PRTG: variants seen among roughly 807,000 people sequenced by gnomAD.
PRTG encodes the protein protogenin, also known as immunoglobulin superfamily, DCC subclass, member 5.
Under a neutral mutation model 122.5 loss-of-function variants are expected in PRTG, and 67 were observed. That is an observed-to-expected ratio of 0.55 (90% CI 0.45 to 0.67). The LOEUF is 0.67. Ranked by LOEUF, PRTG falls within the 30% of genes least tolerant of loss-of-function variation. The pLI is 0.00. For missense variants in PRTG, 1,435 were observed against 1,415.4 expected (o/e 1.01, Z -0.22); for synonymous variants, 554 against 501.1 (o/e 1.11, Z -1.41).
At chr15:55,729,007 G>T (rs1183834198) in intron 2 of PRTG, among the ~76,000 whole-genome samples, 1 of 152,140 alleles carries the variant, frequency 6.6e-6, no homozygotes. Context: ...GCATCTAAAA[G>T]AATAAGATGC....
intron 2 of PRTG, among the ~76,000 whole-genome samples, chr15:55,728,762 TA>T (rs869149272): frequency 1.5e-4 from 1 of 6,758 alleles, no homozygotes; most frequent in African/African-American, 1.6e-4. Context: ...GCAATTAGTC[TA>T]AAAAAAAAAA....
intron 11 of PRTG, among the ~76,000 whole-genome samples, chr15:55,641,580 C>T (rs988519758): frequency 5.3e-5 from 8 of 152,146 alleles, no homozygotes; most frequent in Non-Finnish European, 7.4e-5. Context: ...AGAAGTTTTT[C>T]GTTTAAGCAG....
chr15:55,612,697 A>AATATATATAT lies in PRTG; in HGVS notation c.*7305_*7314dup, dbSNP rs59773365. ...TTCTCTCTTTAACTCTTTAAAAGCC[A>AATATATATAT]ATATATATATATATATATATATATA... On this transcript the variant is annotated 3_prime_UTR_variant, in exon 20 of 20. Transcript: ENST00000389286. The AATATATATAT allele has an allele frequency of 2.3e-4, 28 of 120,748 alleles. No individual in the cohort carries two copies. Among genetic ancestry groups the AATATATATAT allele is most frequent in the African/African-American group, 5.6e-4 (12 of 21,392 alleles). 7.5% of individuals were successfully genotyped at this position (120,748 alleles called of 1,614,324 possible). A position where few individuals can be genotyped will look rare whatever the true frequency, so the allele number is the denominator to read the frequency against.
intron 2 of PRTG, among the ~76,000 whole-genome samples, chr15:55,688,559 G>A (rs887005902): frequency 3.3e-5 from 5 of 152,166 alleles, no homozygotes; most frequent in South Asian, 2.1e-4. Context: ...ACTCCAGGCC[G>A]CCGCAGTGGC....
chr15:55,731,436 T>C (rs1183766716), intron 2 of PRTG, among the ~76,000 whole-genome samples: 2 of 146,732 alleles, frequency 1.4e-5, no homozygotes, highest in Non-Finnish European at 3.0e-5. Flanking sequence ...AACGGCATGC[T>C]CTCGGCTCAC....
chr15:55,683,544 T>C (rs891473755), intron 3 of PRTG, among the ~76,000 whole-genome samples: 1 of 152,120 alleles, frequency 6.6e-6, no homozygotes, highest in South Asian at 2.1e-4. Context: ...TTAGAACAGA[T>C]GGTTGAGGAA....
chr15:55,700,297 T>C (rs1190782813), intron 2 of PRTG, among the ~76,000 whole-genome samples: 2 of 152,196 alleles, frequency 1.3e-5, no homozygotes, highest in Admixed American at 1.3e-4. Context: ...ACTTATACTT[T>C]ATACCTTACG....
chr15:55,620,732 AGGACC>A lies in PRTG; in HGVS notation c.3124_3128del (p.Gly1042TyrfsTer3). ...TTTTCTTAGAGTTGTTTTTAATTAT[AGGACC>A]ATAGCTATTAATTATCAGGTCAGTT... is the stretch of plus-strand genomic sequence containing the variant. On this transcript the variant is annotated frameshift_variant, in exon 19 of 20. Transcript: ENST00000389286. LOFTEE classifies it high-confidence loss of function. 3 of 1,601,420 alleles carry A rather than the reference AGGACC, an allele frequency of 1.9e-6. No homozygotes were observed. Among genetic ancestry groups the A allele is most frequent in the Non-Finnish European group, 2.5e-6 (3 of 1,177,144 alleles).
At chr15:55,699,317 C>T (rs535449956) in intron 2 of PRTG, among the ~76,000 whole-genome samples, 3 of 152,072 alleles carry the variant, frequency 2.0e-5, no homozygotes, top group Non-Finnish European at 4.4e-5. Flanking sequence ...TCTGGCACCC[C>T]TTCCAATGAA....
At chr15:55,729,248 A>G (rs2031147044) in intron 2 of PRTG, among the ~76,000 whole-genome samples, 1 of 152,212 alleles carries the variant, frequency 6.6e-6, no homozygotes, top group South Asian at 2.1e-4. Flanking sequence ...AAACATGCTA[A>G]GTGTAGGAAG....
At chr15:55,677,629 A>C (rs561074581) in intron 8 of PRTG, among the ~76,000 whole-genome samples, 168 bp downstream of exon 8, 1 of 152,362 alleles carries the variant, frequency 6.6e-6, no homozygotes, top group South Asian at 2.1e-4. Context: ...ACACAACATG[A>C]AATTTAGAAA....
intron 11 of PRTG, among the ~76,000 whole-genome samples, chr15:55,671,442 T>C (rs2141793159): frequency 6.6e-6 from 1 of 152,338 alleles, no homozygotes; most frequent in East Asian, 1.9e-4. Context: ...TAAGTGTACA[T>C]TTTATACCTT....
At chr15:55,731,259 G>A (rs1711925186) in intron 2 of PRTG, among the ~76,000 whole-genome samples, 1 of 151,990 alleles carries the variant, frequency 6.6e-6, no homozygotes, top group Non-Finnish European at 1.5e-5. Context: ...GTCCACTTTG[G>A]GGTCAATATT....
chr15:55,716,742 T>G (rs2030614368), intron 2 of PRTG, among the ~76,000 whole-genome samples: 1 of 152,206 alleles, frequency 6.6e-6, no homozygotes, highest in African/African-American at 2.4e-5. Context: ...TCAGCAGTTA[T>G]CTTAACACCA....
chr15:55,620,246 T>C lies in PRTG; in HGVS notation c.3219A>G (p.Pro1073=), dbSNP rs765209878. 18 of 1,613,950 alleles carry C rather than the reference T, an allele frequency of 1.1e-5. No individual in the cohort carries two copies. The South Asian group carries it at 1.6e-4, about 15-fold the overall frequency. ...TGCCTGGCTGGTAAAAGCAGACCGC[T>C]GGAGTAAATCTTCTTTGAGGCTAGG... ...QVEQPQRRFT[P]AVCFYQPGTT... is the part of the protein sequence containing the mutation. Residue 1073 remains proline, a synonymous_variant, in exon 20 of 20, where the codon CCA becomes CCG. Coordinates refer to ENST00000389286, the MANE Select transcript of PRTG (RefSeq NM_173814.6).
chr15:55,739,932 A>C (rs1019592578), intron 2 of PRTG, among the ~76,000 whole-genome samples: 4 of 152,230 alleles, frequency 2.6e-5, no homozygotes, highest in Non-Finnish European at 5.9e-5. Context: ...GGTGATCTAA[A>C]AGCAGTCAGA....
chr15:55,627,300 A>C (rs2059200293), intron 16 of PRTG, among the ~76,000 whole-genome samples, 172 bp from the exon 17 acceptor site: 1 of 151,712 alleles, frequency 6.6e-6, no homozygotes. Flanking sequence ...GTGATTTCAG[A>C]GACAGATTTC....
chr15:55,728,892 G>A (rs886108487), intron 2 of PRTG, among the ~76,000 whole-genome samples: 1 of 152,220 alleles, frequency 6.6e-6, no homozygotes, highest in Non-Finnish European at 1.5e-5. Context: ...AATGAATTCA[G>A]AAGAGTTTTA....
intron 2 of PRTG, among the ~76,000 whole-genome samples, chr15:55,730,125 G>A (rs925156713): frequency 6.6e-6 from 1 of 151,772 alleles, no homozygotes; most frequent in East Asian, 1.9e-4. Context: ...TTTTTGAGAT[G>A]GGGTTTCTCT....
Sources: gnomAD v4.1 joint callset for allele counts (sites outside exome capture counted in the v4.1 genomes callset) on GRCh38, gnomAD v4.1.1 for gene constraint, MANE v1.5 for transcripts, NCBI Gene and HGNC (gene_info 2026-07-23, HGNC 2026-07-21) for gene names.